Variants in SIPA1L3 observed in about 807,000 individuals in gnomAD.
The protein encoded by SIPA1L3 is signal-induced proliferation-associated 1-like protein 3.
A neutral mutation model predicts 150.1 loss-of-function variants in SIPA1L3; 59 were observed. That is an observed-to-expected ratio of 0.39 (90% CI 0.32 to 0.49). SIPA1L3 has a LOEUF of 0.49. SIPA1L3 is among the 20% of genes least tolerant of loss of function. SIPA1L3 has a pLI of 0.86. For missense variants in SIPA1L3, 2,211 were observed against 2,489.5 expected (o/e 0.89, Z 2.38); for synonymous variants, 1,070 against 1,077.6 (o/e 0.99, Z 0.14).
rs1327104132 is a variant in SIPA1L3 at position 38,083,118 on chromosome 19, G to T, written c.1534+19G>T. 6.3e-7 allele frequency: 1 copy of T among 1,596,476 alleles called. No individual in the cohort carries two copies. The highest frequency in any genetic ancestry group is 8.5e-7 in the Non-Finnish European group (1 of 1,173,604). On this transcript the variant is annotated intron_variant, in intron 3 of 21. Coordinates refer to ENST00000222345, the MANE Select transcript of SIPA1L3 (RefSeq NM_015073.3). ...GGCAAAGGTGACGGATGGCGTGTGG[G>T]TGGGAAGGTTGGGTGGGCCGAGGCT...
intron 2 of SIPA1L3, among the ~76,000 whole-genome samples, chr19:38,076,179 A>G (rs1969833931): frequency 6.6e-6 from 1 of 152,060 alleles, no homozygotes; most frequent in Non-Finnish European, 1.5e-5. Context: ...ATACATAAAT[A>G]AATAAAAATA....
At chr19:38,039,391 GGTGGGGGT>G (rs1968860958) in intron 2 of SIPA1L3, among the ~76,000 whole-genome samples, 1 of 150,454 alleles carries the variant, frequency 6.6e-6, no homozygotes, top group East Asian at 2.0e-4. Context: ...GCCAGCGGGG[GGTGGGGGT>G]GGTGGGGGTG....
intron 1 of SIPA1L3, among the ~76,000 whole-genome samples, chr19:37,931,010 C>T (rs147229782): frequency 1.8e-3 from 267 of 152,236 alleles, no homozygotes; most frequent in Middle Eastern, 6.8e-3. Context: ...ACATTGTTTA[C>T]ATTTGTGTGT....
At chr19:38,052,785 GC>G (rs1464123544) in intron 2 of SIPA1L3, among the ~76,000 whole-genome samples, 1 of 152,210 alleles carries the variant, frequency 6.6e-6, no homozygotes, top group East Asian at 1.9e-4. Context: ...CCTGGGATGG[GC>G]CTACATGGTT....
intron 1 of SIPA1L3, among the ~76,000 whole-genome samples, chr19:38,006,941 G>A (rs1967955697): frequency 6.6e-6 from 1 of 152,224 alleles, no homozygotes; most frequent in African/African-American, 2.4e-5. Context: ...AGTCGGGTTT[G>A]TCTGTGCAGC....
chr19:37,960,271 G>T (rs147762430), intron 1 of SIPA1L3, among the ~76,000 whole-genome samples: 1 of 152,182 alleles, frequency 6.6e-6, no homozygotes, highest in Non-Finnish European at 1.5e-5. Flanking sequence ...ATTGATTTTG[G>T]TGCAGGGTCT....
At chr19:38,013,627 T>C (rs1196178489) in intron 1 of SIPA1L3, among the ~76,000 whole-genome samples, 1 of 152,176 alleles carries the variant, frequency 6.6e-6, no homozygotes, top group East Asian at 1.9e-4. Flanking sequence ...CATTCCGAAA[T>C]GTAACCATGT....
At chr19:38,074,449 T>C (rs777468366) in intron 2 of SIPA1L3, among the ~76,000 whole-genome samples, 4 of 152,140 alleles carry the variant, frequency 2.6e-5, no homozygotes, top group Non-Finnish European at 5.9e-5. Flanking sequence ...TAATCCTCCC[T>C]CCGCACTCTG....
At chr19:38,001,359 T>G (rs1264843803) in intron 1 of SIPA1L3, among the ~76,000 whole-genome samples, 1 of 152,112 alleles carries the variant, frequency 6.6e-6, no homozygotes, top group East Asian at 1.9e-4. Flanking sequence ...CACCTTTCTC[T>G]TGAGATGAAA....
intron 2 of SIPA1L3, among the ~76,000 whole-genome samples, chr19:38,063,205 C>G (rs577586658): frequency 5.5e-4 from 84 of 152,264 alleles, no homozygotes; most frequent in African/African-American, 1.5e-3. Flanking sequence ...CCCTCCACCC[C>G]CCTCCCCACT....
chr19:37,987,967 G>A (rs898275113), intron 1 of SIPA1L3, among the ~76,000 whole-genome samples: 2 of 152,312 alleles, frequency 1.3e-5, no homozygotes, highest in African/African-American at 4.8e-5. Context: ...TCTAGGCTTG[G>A]TGGTATTATC....
intron 1 of SIPA1L3, among the ~76,000 whole-genome samples, chr19:37,995,677 A>G (rs572693947): frequency 6.6e-6 from 1 of 152,282 alleles, no homozygotes; most frequent in East Asian, 1.9e-4. Flanking sequence ...AGGGCACAGA[A>G]TGAACAAAAG....
chr19:38,200,137 A>C (rs1276164040), intron 19 of SIPA1L3: 1 of 152,072 alleles, frequency 6.6e-6, no homozygotes, highest in Admixed American at 6.5e-5. Context: ...CAGTGGCGTG[A>C]TCTTGGCTCA....
chr19:38,107,298 C>T (rs1472840853), intron 7 of SIPA1L3, among the ~76,000 whole-genome samples: 1 of 152,200 alleles, frequency 6.6e-6, no homozygotes, highest in Non-Finnish European at 1.5e-5. Context: ...GTGGAAAGGG[C>T]AGACTGGCCA....
intron 1 of SIPA1L3, among the ~76,000 whole-genome samples, chr19:37,970,148 T>C (rs73930325): frequency 7.2e-5 from 11 of 152,230 alleles, no homozygotes; most frequent in African/African-American, 2.2e-4. Flanking sequence ...GGGAACAAAG[T>C]CTGGCCGGAA....
intron 1 of SIPA1L3, among the ~76,000 whole-genome samples, chr19:37,911,668 C>A (rs1200798779): frequency 1.3e-5 from 2 of 151,700 alleles, no homozygotes; most frequent in Non-Finnish European, 2.9e-5. Context: ...CCCGCCACCA[C>A]GCCCGGCTAA....
At chr19:37,996,720 G>C (rs1967645053) in intron 1 of SIPA1L3, among the ~76,000 whole-genome samples, 1 of 151,918 alleles carries the variant, frequency 6.6e-6, no homozygotes. Context: ...TTTTGAGACA[G>C]AGTCTCACTC....
intron 18 of SIPA1L3, 68 bp downstream of exon 18, chr19:38,193,848 A>G (rs1307123745): frequency 5.5e-6 from 8 of 1,450,482 alleles, no homozygotes; most frequent in African/African-American, 1.5e-5. Flanking sequence ...ATGCCCGAGC[A>G]GGGGCTCACC....
At chr19:38,085,592 G>C (rs1970110238) in intron 3 of SIPA1L3, among the ~76,000 whole-genome samples, 1 of 152,292 alleles carries the variant, frequency 6.6e-6, no homozygotes, top group African/African-American at 2.4e-5. Context: ...ACCTTTTAGA[G>C]GAACTAAGGA....
Sources: allele counts gnomAD v4.1 joint callset (sites outside exome capture counted in the v4.1 genomes callset), GRCh38; gene constraint gnomAD v4.1.1; transcripts MANE v1.5; gene names NCBI Gene and HGNC (gene_info 2026-07-23, HGNC 2026-07-21).